MIS18A: variants seen among roughly 807,000 people sequenced by gnomAD.
MIS18A encodes the protein protein Mis18-alpha.
MIS18A carries 14 observed loss-of-function variants against 25.0 expected under a neutral mutation model. That is an observed-to-expected ratio of 0.56 (90% CI 0.37 to 0.88). The LOEUF is 0.88. MIS18A is among the 40% of genes least tolerant of loss of function. The pLI is 0.00. For missense variants in MIS18A, 292 were observed against 290.8 expected (o/e 1.00, Z -0.03); for synonymous variants, 134 against 118.6 (o/e 1.13, Z -0.84).
chr21:32,252,230 AAGAAGAAGAAGG>A, the MIS18A span, among the ~76,000 whole-genome samples: 484 of 92,264 alleles, frequency 5.2e-3, 1 homozygote, highest in African/African-American at 0.021. Flanking sequence ...GAAGAAGAAG[AAGAAGAAGAAGG>A]AGGAGGAGGA....
chr21:32,271,608 C>T (rs1219857422), intron 2 of MIS18A, among the ~76,000 whole-genome samples: 1 of 152,134 alleles, frequency 6.6e-6, no homozygotes, highest in Non-Finnish European at 1.5e-5. Context: ...CTTTTATAAG[C>T]TTCTATATTT....
chr21:32,215,482 G>T, the MIS18A span, among the ~76,000 whole-genome samples: 2 of 152,108 alleles, frequency 1.3e-5, no homozygotes, highest in African/African-American at 2.4e-5. Flanking sequence ...GGGTAGGAAC[G>T]CGAGGTAAGT....
the MIS18A span, among the ~76,000 whole-genome samples, chr21:32,204,191 A>T: frequency 6.6e-6 from 1 of 152,190 alleles, no homozygotes; most frequent in African/African-American, 2.4e-5. Context: ...GGGTTCATAG[A>T]AAATGAAGCA....
At chr21:32,193,513 TA>T in the MIS18A span, among the ~76,000 whole-genome samples, 1 of 109,056 alleles carries the variant, frequency 9.2e-6, no homozygotes, top group African/African-American at 3.2e-5. Context: ...GATAGATAGA[TA>T]GATAGATGGA....
At chr21:32,202,109 C>T in the MIS18A span, among the ~76,000 whole-genome samples, 9 of 151,852 alleles carry the variant, frequency 5.9e-5, no homozygotes, top group Admixed American at 4.6e-4. Context: ...GGAAACATGG[C>T]GAGACGTTGT....
the MIS18A span, among the ~76,000 whole-genome samples, chr21:32,169,895 C>G: frequency 6.6e-6 from 1 of 152,056 alleles, no homozygotes; most frequent in Non-Finnish European, 1.5e-5. Flanking sequence ...ACTTGAAGAG[C>G]AAGGAAGAAT....
the MIS18A span, among the ~76,000 whole-genome samples, chr21:32,243,940 C>T: frequency 6.6e-6 from 1 of 151,822 alleles, no homozygotes; most frequent in Non-Finnish European, 1.5e-5. Context: ...GGCGACACAG[C>T]GAGACCCCGA....
chr21:32,238,618 T>A, the MIS18A span, among the ~76,000 whole-genome samples: 1 of 152,200 alleles, frequency 6.6e-6, no homozygotes, highest in South Asian at 2.1e-4. Context: ...CTCTCTGTTA[T>A]CCCTTTGCCC....
At chr21:32,199,472 G>A in the MIS18A span, among the ~76,000 whole-genome samples, 1 of 152,116 alleles carries the variant, frequency 6.6e-6, no homozygotes, top group African/African-American at 2.4e-5. Flanking sequence ...CTAAAAAAGA[G>A]GGTGGCCTCA....
the MIS18A span, among the ~76,000 whole-genome samples, chr21:32,185,175 TA>T: frequency 6.6e-6 from 1 of 152,084 alleles, no homozygotes; most frequent in Non-Finnish European, 1.5e-5. Context: ...CCTGCACACT[TA>T]CTAATGGGGA....
chr21:32,209,843 C>T, the MIS18A span, among the ~76,000 whole-genome samples: 1 of 152,204 alleles, frequency 6.6e-6, no homozygotes, highest in Non-Finnish European at 1.5e-5. Context: ...GCTTCCCCTT[C>T]CACCATGATG....
chr21:32,241,774 GA>G, the MIS18A span, among the ~76,000 whole-genome samples: 1 of 152,216 alleles, frequency 6.6e-6, no homozygotes, highest in Non-Finnish European at 1.5e-5. Context: ...CACAATTATG[GA>G]AAACTGCCTT....
the MIS18A span, among the ~76,000 whole-genome samples, chr21:32,221,723 C>CAAAAAA: frequency 1.8e-5 from 2 of 108,692 alleles, no homozygotes; most frequent in Non-Finnish European, 1.9e-5. Flanking sequence ...ACGAATAATA[C>CAAAAAA]AAAAAAAAAA....
the MIS18A span, among the ~76,000 whole-genome samples, chr21:32,186,101 T>C: frequency 1.3e-5 from 2 of 152,162 alleles, no homozygotes; most frequent in Non-Finnish European, 1.5e-5. Flanking sequence ...ATCTCAGCCC[T>C]AGACAATGTG....
the MIS18A span, among the ~76,000 whole-genome samples, chr21:32,184,659 T>C: frequency 1.3e-5 from 2 of 152,144 alleles, no homozygotes; most frequent in Non-Finnish European, 2.9e-5. Flanking sequence ...CCCAGTCTCA[T>C]ACGACCAACA....
the MIS18A span, among the ~76,000 whole-genome samples, chr21:32,168,698 T>C: frequency 6.6e-6 from 1 of 152,180 alleles, no homozygotes; most frequent in African/African-American, 2.4e-5. Context: ...ATGACAGTTG[T>C]GATATTTAAA....
chr21:32,182,787 A>G, the MIS18A span, among the ~76,000 whole-genome samples: 1 of 152,192 alleles, frequency 6.6e-6, no homozygotes, highest in African/African-American at 2.4e-5. Flanking sequence ...GTTTCCTGTC[A>G]CCAAAATAAA....
chr21:32,242,033 C>G, the MIS18A span, among the ~76,000 whole-genome samples: 2 of 152,216 alleles, frequency 1.3e-5, no homozygotes, highest in Non-Finnish European at 2.9e-5. Context: ...CGCCCGCCAC[C>G]ACGCCCGGCT....
At chr21:32,194,664 T>TA in the MIS18A span, among the ~76,000 whole-genome samples, 1,395 of 145,936 alleles carry the variant, frequency 9.6e-3, 25 homozygotes, top group African/African-American at 0.032. Context: ...CGTCTCGAAT[T>TA]AAAAAAAAAA....
Sources: allele counts gnomAD v4.1 joint callset (sites outside exome capture counted in the v4.1 genomes callset), GRCh38; gene constraint gnomAD v4.1.1; transcripts MANE v1.5; gene names NCBI Gene and HGNC (gene_info 2026-07-23, HGNC 2026-07-21).